Variants in NTRK3 observed in about 807,000 individuals in gnomAD.
NTRK3 encodes the protein neurotrophic receptor tyrosine kinase 3.
NTRK3 carries 24 observed loss-of-function variants against 91.7 expected under a neutral mutation model. The observed-to-expected ratio is 0.26, with a 90% CI of 0.19 to 0.37. The LOEUF (loss-of-function observed/expected upper bound fraction) is 0.37, where lower values mean the gene tolerates loss of function less well. Among genes scored for constraint, NTRK3 ranks in the 10% least tolerant of loss-of-function variants. The probability of loss-of-function intolerance (pLI) is 1.00; values close to 1 mark genes in which losing one functional copy is unlikely to be tolerated. For missense variants in NTRK3, 880 were observed against 1,068.9 expected, an observed-to-expected ratio of 0.82 and a Z score of 2.46; for synonymous variants, 483 against 404.0, an observed-to-expected ratio of 1.20 and a Z score of -2.34.
At chr15:88,007,465 T>C (rs2076574944) in intron 14 of NTRK3, among the ~76,000 whole-genome samples, 1 of 152,166 alleles carries the variant, frequency 6.6e-6, no homozygotes, top group Non-Finnish European at 1.5e-5. Flanking sequence ...GAAAGGAGAC[T>C]GGACACTCTG....
rs533942110 is a variant in NTRK3 at position 88,233,230 on chromosome 15, A to ACC, written c.248+22674_248+22675dup. On this transcript the variant is annotated intron_variant, in intron 3 of 18. Transcript: ENST00000394480. This position sits in a 1 kb window ranked among gnomAD's most constrained non-coding sequence, Gnocchi z 4.2. ...CCGTAGAGCACATTGCCAATAAATA[A>ACC]CCCCCCCGCCCCCAGTGTAATCTCT... Among the ~76,000 whole-genome samples the ACC allele has an allele frequency of 6.6e-6, 1 of 151,116 alleles. No individual in the cohort carries two copies. The highest frequency in any genetic ancestry group is 2.1e-4 in the South Asian group (1 of 4,766).
At chr15:88,148,906 G>A (rs185329762) in intron 5 of NTRK3, among the ~76,000 whole-genome samples, 1 of 152,284 alleles carries the variant, frequency 6.6e-6, no homozygotes, top group East Asian at 1.9e-4. Context: ...TTTTGGAGAG[G>A]AGAGAAAGAG....
At chr15:87,938,730 C>G (rs369312113) in intron 15 of NTRK3, among the ~76,000 whole-genome samples, 13 of 152,172 alleles carry the variant, frequency 8.5e-5, no homozygotes, top group Admixed American at 2.0e-4. Context: ...TGCCGGAACA[C>G]CCCGTGGATT....
At chr15:88,153,673 T>C (rs1337816728) in intron 5 of NTRK3, among the ~76,000 whole-genome samples, 2 of 152,088 alleles carry the variant, frequency 1.3e-5, no homozygotes, top group Admixed American at 1.3e-4. Context: ...ATTTCTTAGT[T>C]CTAGAGGTTA....
rs1598098982 is a variant in NTRK3 at position 88,234,755 on chromosome 15, C to T, written c.248+21151G>A. Among the ~76,000 whole-genome samples, 1 of 152,200 alleles carries T rather than the reference C, an allele frequency of 6.6e-6. No individual in the cohort carries two copies. The highest frequency in any genetic ancestry group is 1.5e-5 in the Non-Finnish European group (1 of 68,036). On this transcript the variant is annotated intron_variant, in intron 3 of 18. Transcript: ENST00000394480. This position sits in a 1 kb window ranked among gnomAD's most constrained non-coding sequence, Gnocchi z 6.1. ...TCATCTCTTGTTTAAAAGGAAAACC[C>T]TCTGGGACTTCCTATTTTGCTAGGA... is the stretch of plus-strand genomic sequence containing the variant.
intron 3 of NTRK3, among the ~76,000 whole-genome samples, chr15:88,217,367 T>C (rs1304788572): frequency 6.6e-6 from 1 of 152,234 alleles, no homozygotes; most frequent in Admixed American, 6.5e-5. Flanking sequence ...CCATCGCAGA[T>C]GAATGGATAA....
At chr15:87,882,148 G>A (rs987958384) in intron 17 of NTRK3, among the ~76,000 whole-genome samples, 5 of 152,070 alleles carry the variant, frequency 3.3e-5, no homozygotes, top group African/African-American at 9.7e-5. Flanking sequence ...CACCCACCTT[G>A]GCCTCCCAAA....
intron 14 of NTRK3, among the ~76,000 whole-genome samples, chr15:87,982,331 G>C (rs2074360433): frequency 1.3e-5 from 2 of 152,168 alleles, no homozygotes; most frequent in Admixed American, 6.5e-5. Flanking sequence ...GGAAGAGCAG[G>C]GGAGCCCAGA....
chr15:88,077,934 C>A (rs751872700), intron 13 of NTRK3, among the ~76,000 whole-genome samples: 3 of 152,218 alleles, frequency 2.0e-5, no homozygotes, highest in Non-Finnish European at 4.4e-5. Flanking sequence ...GACAGAATCT[C>A]ACAGGAAATC....
At chr15:87,879,117 G>A (rs779718267) in intron 18 of NTRK3, among the ~76,000 whole-genome samples, 1 of 152,142 alleles carries the variant, frequency 6.6e-6, no homozygotes, top group Non-Finnish European at 1.5e-5. Flanking sequence ...TCATGAGATA[G>A]TACACGTTTT....
intron 3 of NTRK3, among the ~76,000 whole-genome samples, chr15:88,236,914 TA>T (rs962854749): frequency 2.0e-5 from 3 of 152,134 alleles, no homozygotes; most frequent in African/African-American, 7.2e-5. Context: ...TGGGGGATGG[TA>T]ATGTTCTGTC....
At chr15:88,184,329 G>T in intron 3 of NTRK3, 30 bp from the exon 4 acceptor site, 1 of 1,608,374 alleles carries the variant, frequency 6.2e-7, no homozygotes, top group Non-Finnish European at 8.5e-7. Flanking sequence ...GTAACGGTCA[G>T]CCAGAAGCAA....
chr15:88,120,145 T>C (rs1452082410), intron 13 of NTRK3, among the ~76,000 whole-genome samples: 2 of 152,150 alleles, frequency 1.3e-5, no homozygotes, highest in Non-Finnish European at 2.9e-5. Context: ...TTCCCAACTC[T>C]AATCATTCCC....
intron 12 of NTRK3, 130 bp from the exon 13 acceptor site, chr15:88,126,503 CTGAG>C: frequency 1.6e-6 from 1 of 626,594 alleles, no homozygotes; most frequent in Non-Finnish European, 2.9e-6. Context: ...AACTGCAATA[CTGAG>C]TAAGGTCTTT....
chr15:87,943,219 T>C (rs1477091297), intron 14 of NTRK3, among the ~76,000 whole-genome samples: 1 of 152,064 alleles, frequency 6.6e-6, no homozygotes, highest in Non-Finnish European at 1.5e-5. Context: ...CACGGCTTCT[T>C]TGGTGGGGTG....
At chr15:87,880,477 T>A (rs756509954) in intron 17 of NTRK3, 49 bp from the exon 19 acceptor site, 21 of 1,595,284 alleles carry the variant, frequency 1.3e-5, no homozygotes, top group Non-Finnish European at 1.5e-5. Flanking sequence ...ATGGCCAGAA[T>A]GAGTGTTATC....
intron 14 of NTRK3, among the ~76,000 whole-genome samples, chr15:87,964,734 T>A (rs2072635327): frequency 6.6e-6 from 1 of 152,204 alleles, no homozygotes; most frequent in Admixed American, 6.5e-5. Context: ...ACAAATGGCA[T>A]CATAGAAAAT....
intron 11 of NTRK3, among the ~76,000 whole-genome samples, chr15:88,128,034 C>G (rs1232343892): frequency 6.6e-6 from 1 of 152,150 alleles, no homozygotes; most frequent in Non-Finnish European, 1.5e-5. Flanking sequence ...GAGGGTGTTT[C>G]TAAACAGCAC....
At position 88,183,605 on chromosome 15, in the gene NTRK3, A is replaced by G. The variant is rs1465651120; in HGVS notation, c.324-116T>C. The stretch of plus-strand genomic sequence containing the variant: ...TGGCCCTGCAGCCGCCCTGTGGATT[A>G]TCTACACCTCTTCATTGCCAGTTAT... On this transcript the variant is annotated intron_variant, in intron 4 of 18. Coordinates refer to ENST00000394480, the Ensembl canonical transcript of NTRK3. 5.3e-6 allele frequency: 5 copies of G among 939,216 alleles called. No individual in the cohort carries two copies. In the East Asian group the frequency reaches 1.2e-4, roughly 23 times the overall value. The allele number at this position is 939,216 out of a possible 1,614,324, so 58.2% of individuals were successfully genotyped here. A position where few individuals can be genotyped will look rare whatever the true frequency, so the allele number is the denominator to read the frequency against.
Sources: allele counts gnomAD v4.1 joint callset (sites outside exome capture counted in the v4.1 genomes callset), GRCh38; gene constraint gnomAD v4.1.1; non-coding constraint Gnocchi (gnomAD v3.1); transcripts MANE v1.5; gene names NCBI Gene and HGNC (gene_info 2026-07-23, HGNC 2026-07-21).